Variants in CES1 observed in about 807,000 individuals in gnomAD.
CES1 encodes the protein carboxylesterase 1.
Under a neutral mutation model 53.0 loss-of-function variants are expected in CES1, and 50 were observed. The ratio of observed to expected loss-of-function variants is 0.94; its 90% confidence interval spans 0.75 to 1.19. The LOEUF (loss-of-function observed/expected upper bound fraction) is 1.19. Among genes scored for constraint, CES1 ranks in the 50% most tolerant of loss-of-function variants. The pLI is 0.00. For synonymous variants in CES1, 202 were observed against 210.1 expected, an observed-to-expected ratio of 0.96 and a Z score of 0.33; for missense variants, 534 against 538.0, an observed-to-expected ratio of 0.99 and a Z score of 0.07.
intron 3 of CES1, among the ~76,000 whole-genome samples, chr16:55,824,513 A>G (rs191361774): frequency 2.0e-5 from 3 of 152,332 alleles, no homozygotes; most frequent in Admixed American, 6.5e-5. Context: ...TTGGGTAGGT[A>G]CTAATAATGT....
At chr16:55,814,013 G>T (rs2031824176) in intron 8 of CES1, among the ~76,000 whole-genome samples, 1 of 152,192 alleles carries the variant, frequency 6.6e-6, no homozygotes, top group Non-Finnish European at 1.5e-5. Flanking sequence ...GGGGTTATAA[G>T]GACATTTTAG....
chr16:55,814,832 G>C (rs1266471284), intron 8 of CES1, among the ~76,000 whole-genome samples: 1 of 152,254 alleles, frequency 6.6e-6, no homozygotes, highest in Non-Finnish European at 1.5e-5. Flanking sequence ...CTGAAAAGTG[G>C]ACCAGACCTA....
In CES1 at chr16:55,816,884, A is replaced by G. The variant is rs539241707; in HGVS notation, c.945+40T>C. On this transcript the variant is annotated intron_variant, in intron 8 of 13. Coordinates refer to ENST00000360526, the MANE Select transcript of CES1 (RefSeq NM_001025195.2). ...CAGTTAATTGGAGCTTAAAGGTGCTAAGACTCAAAACCCGTAATCCAGAAA... is the reference window on the plus strand; with the variant it reads ...CAGTTAATTGGAGCTTAAAGGTGCTGAGACTCAAAACCCGTAATCCAGAAA... The G allele has an allele frequency of 2.1e-5, 33 of 1,601,972 alleles. No homozygotes were observed. The South Asian group carries it at 3.4e-4, about 17-fold the overall frequency.
intron 3 of CES1, among the ~76,000 whole-genome samples, chr16:55,824,199 C>T (rs1470707273): frequency 6.6e-6 from 1 of 152,206 alleles, no homozygotes; most frequent in African/African-American, 2.4e-5. Flanking sequence ...GCCTCTGCAT[C>T]CCCAAATCCT....
In CES1 at chr16:55,810,508, G is replaced by A; in HGVS notation, c.1318+9C>T. ...TTTGTGTCCCTCCCGTTCGACCTCT[G>A]GGACTCACCTCTGTGGTTCCGGGCC... On this transcript the variant is annotated intron_variant, in intron 11 of 13. Coordinates refer to ENST00000360526, the MANE Select transcript of CES1 (RefSeq NM_001025195.2). The A allele has an allele frequency of 6.2e-7, 1 of 1,614,088 alleles. No individual in the cohort carries two copies. Among genetic ancestry groups the A allele is most frequent in the Non-Finnish European group, 8.5e-7 (1 of 1,180,028 alleles).
chr16:55,819,868 C>T, intron 6 of CES1: 1 of 631,114 alleles, frequency 1.6e-6, no homozygotes, highest in Middle Eastern at 4.1e-4. Context: ...GCTACCTTAT[C>T]TCCATTGAAA....
intron 9 of CES1, among the ~76,000 whole-genome samples, chr16:55,811,500 T>C (rs1284282060): frequency 2.0e-5 from 3 of 152,198 alleles, no homozygotes; most frequent in Admixed American, 6.5e-5. Context: ...AGGGGCGAAC[T>C]GCACATCTCT....
chr16:55,827,887 A>T (rs563734276), intron 2 of CES1: 1 of 152,354 alleles, frequency 6.6e-6, no homozygotes, highest in South Asian at 2.1e-4. Flanking sequence ...ATAATACTTT[A>T]CCATCTAAAA....
At chr16:55,822,973 G>T (rs2032264116) in intron 4 of CES1, among the ~76,000 whole-genome samples, 1 of 152,076 alleles carries the variant, frequency 6.6e-6, no homozygotes, top group Admixed American at 6.6e-5. Context: ...TCCCCATGGA[G>T]ACCTGATGGG....
chr16:55,832,828 G>A (rs2032735792), intron 1 of CES1, among the ~76,000 whole-genome samples, 176 bp downstream of exon 1: 1 of 152,222 alleles, frequency 6.6e-6, no homozygotes, highest in African/African-American at 2.4e-5. Context: ...CTGCGTCTCC[G>A]CGCGGGCCAG....
intron 1 of CES1, among the ~76,000 whole-genome samples, chr16:55,832,477 C>A (rs2032720844): frequency 6.6e-6 from 1 of 152,320 alleles, no homozygotes; most frequent in South Asian, 2.1e-4. Flanking sequence ...GCTTTAGAAA[C>A]AGCCACCCAT....
intron 10 of CES1, 81 bp from the exon 11 acceptor site, chr16:55,810,745 G>C: frequency 6.4e-7 from 1 of 1,552,416 alleles, no homozygotes. Flanking sequence ...CTGCCTCAAT[G>C]GTGAACCCCA....
chr16:55,814,784 G>A (rs1323585199), intron 8 of CES1, among the ~76,000 whole-genome samples: 1 of 152,232 alleles, frequency 6.6e-6, no homozygotes, highest in East Asian at 1.9e-4. Flanking sequence ...AAAAGCCAAT[G>A]AATGACGAGC....
intron 7 of CES1, 67 bp from the exon 8 acceptor site, chr16:55,817,029 G>A: frequency 6.5e-7 from 1 of 1,534,002 alleles, no homozygotes; most frequent in Non-Finnish European, 9.0e-7. Context: ...TGGGTGAGTG[G>A]GGCAACAGAG....
intron 6 of CES1, 119 bp from the exon 7 acceptor site, chr16:55,819,758 T>C (rs1382828939): frequency 6.9e-6 from 6 of 875,312 alleles, no homozygotes; most frequent in Non-Finnish European, 1.2e-5. Flanking sequence ...CAGCAGAAGA[T>C]ACTGTAGACC....
At chr16:55,829,117 G>A in intron 1 of CES1, 143 bp from the exon 2 acceptor site, 1 of 899,412 alleles carries the variant, frequency 1.1e-6, no homozygotes, top group South Asian at 1.4e-5. Flanking sequence ...ATGTACAATA[G>A]GGATGACGAT....
intron 3 of CES1, among the ~76,000 whole-genome samples, chr16:55,824,536 G>A (rs1221950996): frequency 6.6e-5 from 10 of 152,170 alleles, no homozygotes; most frequent in Middle Eastern, 3.2e-3. Context: ...CATTATCCAG[G>A]TGGGAAAATG....
At chr16:55,818,420 C>A (rs1420010227) in intron 7 of CES1, among the ~76,000 whole-genome samples, 3 of 152,320 alleles carry the variant, frequency 2.0e-5, no homozygotes, top group African/African-American at 7.2e-5. Flanking sequence ...GGGGCAATTA[C>A]AAAATTTATC....
intron 1 of CES1, among the ~76,000 whole-genome samples, chr16:55,831,640 A>G (rs569252455): frequency 3.2e-4 from 48 of 150,202 alleles, no homozygotes; most frequent in African/African-American, 1.1e-3. Flanking sequence ...AAGGAAGGAA[A>G]TGGATGGCAT....
Sources: gnomAD v4.1 joint callset for allele counts (sites outside exome capture counted in the v4.1 genomes callset) on GRCh38, gnomAD v4.1.1 for gene constraint, MANE v1.5 for transcripts, NCBI Gene and HGNC (gene_info 2026-07-23, HGNC 2026-07-21) for gene names.